The following ANKS1B variants were observed in gnomAD, a reference collection of about 807,000 sequenced individuals.
ANKS1B encodes ankyrin repeat and sterile alpha motif domain-containing protein 1B.
ANKS1B carries 36 observed loss-of-function variants against 148.3 expected under a neutral mutation model. The ratio of observed to expected loss-of-function variants is 0.24; its 90% CI spans 0.19 to 0.32. The LOEUF is 0.32. Ranked by LOEUF, ANKS1B falls within the 10% of genes least tolerant of loss-of-function variation. ANKS1B has a pLI of 1.00. For missense variants in ANKS1B, 1,157 were observed against 1,542.6 expected (o/e 0.75, Z 4.19); for synonymous variants, 542 against 560.8 (o/e 0.97, Z 0.47).
chr12:99,513,161 A>G (rs2096783633), intron 9 of ANKS1B, among the ~76,000 whole-genome samples: 1 of 152,010 alleles, frequency 6.6e-6, no homozygotes, highest in Non-Finnish European at 1.5e-5. Flanking sequence ...GCAAAAAATT[A>G]TGACTCACTG....
chr12:99,587,231 T>C (rs1463891160), intron 9 of ANKS1B, among the ~76,000 whole-genome samples: 1 of 152,150 alleles, frequency 6.6e-6, no homozygotes, highest in East Asian at 1.9e-4. Context: ...ATCATTTCAC[T>C]AGGATTACCC....
intron 17 of ANKS1B, among the ~76,000 whole-genome samples, chr12:98,882,027 T>G (rs530939919): frequency 6.6e-6 from 1 of 152,244 alleles, no homozygotes; most frequent in Non-Finnish European, 1.5e-5. Context: ...CTATGGAAAT[T>G]CACTGTTATA....
At chr12:98,802,812 C>T (rs986853847) in intron 20 of ANKS1B, among the ~76,000 whole-genome samples, 1 of 151,650 alleles carries the variant, frequency 6.6e-6, no homozygotes, top group African/African-American at 2.4e-5. Context: ...GTTTTGTTTT[C>T]GTTGCTGATT....
intron 9 of ANKS1B, among the ~76,000 whole-genome samples, chr12:99,606,602 T>C (rs1441759044): frequency 6.6e-6 from 1 of 152,044 alleles, no homozygotes; most frequent in African/African-American, 2.4e-5. Context: ...TTATGAATAA[T>C]CATATATGTT....
chr12:99,466,984 C>A (rs573894015), intron 10 of ANKS1B, among the ~76,000 whole-genome samples: 111 of 152,052 alleles, frequency 7.3e-4, no homozygotes, highest in African/African-American at 2.5e-3. Flanking sequence ...GAGACACAAC[C>A]AAAAAAGAGA....
intron 14 of ANKS1B, among the ~76,000 whole-genome samples, chr12:99,207,864 G>C (rs1332949780): frequency 6.6e-6 from 1 of 152,006 alleles, no homozygotes; most frequent in African/African-American, 2.4e-5. Flanking sequence ...ACAACTGAAT[G>C]AATAAGAAAT....
chr12:98,854,709 T>C (rs952617519), intron 17 of ANKS1B, among the ~76,000 whole-genome samples: 10 of 152,200 alleles, frequency 6.6e-5, no homozygotes, highest in Admixed American at 2.6e-4. Context: ...CAGGATAGCA[T>C]TGCAGAAATG....
At chr12:99,812,588 G>A (rs1370916777) in intron 2 of ANKS1B, among the ~76,000 whole-genome samples, 1 of 143,786 alleles carries the variant, frequency 7.0e-6, no homozygotes, top group African/African-American at 2.6e-5. Flanking sequence ...AAGAGAGCGA[G>A]AGCACACATT....
At chr12:99,339,230 C>G (rs1015347266) in intron 12 of ANKS1B, among the ~76,000 whole-genome samples, 1 of 152,176 alleles carries the variant, frequency 6.6e-6, no homozygotes, top group Non-Finnish European at 1.5e-5. Flanking sequence ...TCCCCTCTGA[C>G]TAGGGATGCT....
At chr12:99,150,023 T>G (rs1408678608) in intron 15 of ANKS1B, among the ~76,000 whole-genome samples, 1 of 152,166 alleles carries the variant, frequency 6.6e-6, no homozygotes, top group Non-Finnish European at 1.5e-5. Context: ...GGGTCATGTC[T>G]TATTCACTGT....
At chr12:99,609,526 T>C (rs999444313) in intron 9 of ANKS1B, among the ~76,000 whole-genome samples, 1 of 150,986 alleles carries the variant, frequency 6.6e-6, no homozygotes, top group Non-Finnish European at 1.5e-5. Flanking sequence ...AAAAGCCCCT[T>C]TGAATTGGGA....
chr12:99,400,754 T>G (rs1292269957), intron 11 of ANKS1B, among the ~76,000 whole-genome samples: 2 of 145,218 alleles, frequency 1.4e-5, no homozygotes, highest in Non-Finnish European at 3.0e-5. Context: ...TGTAAACTTT[T>G]TATAATAAGG....
intron 12 of ANKS1B, among the ~76,000 whole-genome samples, chr12:99,383,814 A>G (rs2152519945): frequency 6.8e-6 from 1 of 146,614 alleles, no homozygotes; most frequent in East Asian, 2.0e-4. Context: ...GGAGTTCAAG[A>G]CCAGCCTAGG....
chr12:99,146,955 C>T (rs898050032), intron 15 of ANKS1B, among the ~76,000 whole-genome samples: 5 of 152,124 alleles, frequency 3.3e-5, no homozygotes, highest in Admixed American at 6.6e-5. Context: ...AACATGCCCA[C>T]GCCCATTTAT....
At chr12:99,612,517 T>C (rs541373630) in intron 9 of ANKS1B, among the ~76,000 whole-genome samples, 1 of 152,184 alleles carries the variant, frequency 6.6e-6, no homozygotes, top group Admixed American at 6.5e-5. Context: ...AAACAACACA[T>C]AGGTTGGATT....
At chr12:99,337,596 T>C (rs947871682) in intron 12 of ANKS1B, among the ~76,000 whole-genome samples, 1 of 152,156 alleles carries the variant, frequency 6.6e-6, no homozygotes, top group African/African-American at 2.4e-5. Flanking sequence ...AGGTATTTAT[T>C]GTAGTTTTCT....
At chr12:98,792,355 A>G (rs2153559348) in intron 22 of ANKS1B, among the ~76,000 whole-genome samples, 1 of 152,348 alleles carries the variant, frequency 6.6e-6, no homozygotes, top group African/African-American at 2.4e-5. Flanking sequence ...TTCATGGGGC[A>G]CAATGTGATG....
chr12:98,775,462 T>C lies in ANKS1B; in HGVS notation c.3442-2283A>G, dbSNP rs1015942992. On this transcript the variant is annotated intron_variant, in intron 24 of 26. Transcript: ENST00000683438. ...TTCTTCTCTTTCTCTCTCTCTCTCTTTTTTTTGAGATAGGGTCTTGCTCTG... is the reference window on the plus strand; with the variant it reads ...TTCTTCTCTTTCTCTCTCTCTCTCTCTTTTTTGAGATAGGGTCTTGCTCTG... Among the ~76,000 whole-genome samples the C allele has an allele frequency of 3.3e-5, 5 of 150,316 alleles. No individual in the cohort carries two copies. The South Asian group carries it at 6.2e-4, about 19-fold the overall frequency.
At chr12:99,147,138 C>T (rs1009321782) in intron 15 of ANKS1B, among the ~76,000 whole-genome samples, 5 of 151,902 alleles carry the variant, frequency 3.3e-5, no homozygotes, top group Non-Finnish European at 5.9e-5. Flanking sequence ...GATAGATGGA[C>T]AAGTAAAGAG....
Sources: allele counts gnomAD v4.1 joint callset (sites outside exome capture counted in the v4.1 genomes callset), GRCh38; gene constraint gnomAD v4.1.1; transcripts MANE v1.5; gene names NCBI Gene and HGNC (gene_info 2026-07-23, HGNC 2026-07-21).